ZNF274: variants seen among roughly 807,000 people sequenced by gnomAD.
ZNF274 encodes the protein neurotrophin receptor-interacting factor homolog.
In ZNF274, 23 loss-of-function variants were observed where a neutral mutation model predicts 42.5. The observed-to-expected ratio is 0.54, with a 90% CI of 0.39 to 0.77. ZNF274 has a LOEUF of 0.77. Among genes scored for constraint, ZNF274 ranks in the 30% least tolerant of loss-of-function variants. ZNF274 has a pLI of 0.00. For synonymous variants in ZNF274, 292 were observed against 305.4 expected (o/e 0.96, Z 0.46); for missense variants, 679 against 806.5 (o/e 0.84, Z 1.91).
rs530739382 is a variant in ZNF274, at chr19:58,199,166, G to A, written c.257-7554G>A. Among the ~76,000 whole-genome samples the A allele has an allele frequency of 3.3e-5, 5 of 152,124 alleles. No individual in the cohort carries two copies. The South Asian group carries it at 1.0e-3, about 32-fold the overall frequency. Reference sequence around the variant, plus strand: ...GGATCACCTGAGGTCAGGAGTTTGAGACCAGCCTGGCAAACATGTCAAAAC... The same window carrying A: ...GGATCACCTGAGGTCAGGAGTTTGAAACCAGCCTGGCAAACATGTCAAAAC... On this transcript the variant is annotated intron_variant, in intron 4 of 7. Transcript: ENST00000617501.
chr19:58,191,751 A>T (rs1320904802), intron 4 of ZNF274, among the ~76,000 whole-genome samples: 1 of 152,158 alleles, frequency 6.6e-6, no homozygotes, highest in Non-Finnish European at 1.5e-5. Flanking sequence ...TGTCCAACTC[A>T]TCTCTGCTCT....
chr19:58,183,986 G>C lies in ZNF274; in HGVS notation c.21G>C (p.Thr7=). The change falls in exon 2 of 8, where the codon ACG becomes ACC. Residue 7 remains threonine (T), a synonymous_variant. Transcript: ENST00000617501. MASRLP[T]AWSCEPVTFE... ...AAACTATGGCCTCCAGGCTTCCGAC[G>C]GCCTGGTCCTGTGTGAGTAGAGGCT... 1.3e-6 allele frequency: 2 copies of C among 1,595,600 alleles called. No individual in the cohort carries two copies. Among genetic ancestry groups the C allele is most frequent in the African/African-American group, 2.7e-5 (2 of 74,648 alleles).
Position 58,212,595 on chromosome 19 carries a change from A to T in ZNF274, c.1414A>T (p.Ser472Cys), listed in dbSNP as rs371176581. 1.2e-6 allele frequency: 2 copies of T among 1,614,062 alleles called. No homozygotes were observed. Among genetic ancestry groups the T allele is most frequent in the Non-Finnish European group, 1.7e-6 (2 of 1,179,894 alleles). The change falls in exon 8 of 8, where the codon AGC (serine) becomes TGC (cysteine). Residue 472 changes from serine (S) to cysteine (C), a missense_variant. This residue lies in a region of ZNF274 where 456 missense variants were observed against 590.1 expected (regional missense o/e 0.77). Coordinates refer to ENST00000617501, the MANE Select transcript of ZNF274 (RefSeq NM_133502.3). The surrounding 1 kb of genome is among the most constrained non-coding windows in gnomAD (Gnocchi z 4.6). The stretch of plus-strand genomic sequence containing the variant: ...TTCACGTGTAAAAATTCATCAGAAG[A>T]GCTGTGAAAGGCAAAAGGCCAAGGA... ...HNSRVKIHQKSCERQKAKEGN... is the reference protein window; with the variant it reads ...HNSRVKIHQKCCERQKAKEGN...
At chr19:58,189,838 T>C (rs770600811) in intron 4 of ZNF274, among the ~76,000 whole-genome samples, 24 of 152,028 alleles carry the variant, frequency 1.6e-4, no homozygotes, top group Non-Finnish European at 3.4e-4. Context: ...TGATCTTTTT[T>C]GGCCGGGCGG....
intron 2 of ZNF274, 129 bp downstream of exon 2, chr19:58,184,127 G>T (rs2075666937): frequency 2.7e-6 from 3 of 1,092,940 alleles, no homozygotes; most frequent in Admixed American, 2.3e-5. Flanking sequence ...GTAGAGATTG[G>T]TTGGGCATGA....
rs2076055320 is a variant in ZNF274, at chr19:58,212,564, A to C, written c.1383A>C (p.Lys461Asn). 1 of 1,613,958 alleles carries C rather than the reference A, an allele frequency of 6.2e-7. No individual in the cohort carries two copies. The highest frequency in any genetic ancestry group is 1.7e-5 in the Admixed American group (1 of 60,006). The change falls in exon 8 of 8, where the codon AAA becomes AAC. Residue 461 changes from lysine to asparagine, a missense_variant. Coordinates refer to ENST00000617501, the MANE Select transcript of ZNF274 (RefSeq NM_133502.3). The surrounding 1 kb of genome is among the most constrained non-coding windows in gnomAD (Gnocchi z 4.6). ...GTGACTCACAAGTTAAAAGTATGAA[A>C]CATAATTCACGTGTAAAAATTCATC... ...RKRDSQVKSM[K>N]HNSRVKIHQK...
chr19:58,200,466 T>G (rs1423904912), intron 4 of ZNF274, among the ~76,000 whole-genome samples: 1 of 152,082 alleles, frequency 6.6e-6, no homozygotes, highest in Non-Finnish European at 1.5e-5. Context: ...TGGGATACAT[T>G]GGTGGGGGAC....
chr19:58,196,353 G>A (rs1382553153), intron 4 of ZNF274, among the ~76,000 whole-genome samples: 1 of 152,144 alleles, frequency 6.6e-6, no homozygotes, highest in Non-Finnish European at 1.5e-5. Context: ...TTGAGCTCAG[G>A]GGTTTGAGAC....
Position 58,212,198 on chromosome 19 carries a change from A to C in ZNF274, c.1017A>C (p.Pro339=). Residue 339 remains proline, a synonymous_variant, in exon 8 of 8, where the codon CCA becomes CCC. Transcript: ENST00000617501. This position sits in a 1 kb window ranked among gnomAD's most constrained non-coding sequence, Gnocchi z 4.6. ...CACTGGAAAATAAAGAGTTAGCTCC[A>C]AATTCTGACATTCCTGAGGAAGAAC... ...ETTLENKELA[P]NSDIPEEEPA... is the part of the protein sequence containing the mutation. 1.9e-6 allele frequency: 3 copies of C among 1,610,906 alleles called. No homozygotes were observed. Among genetic ancestry groups the C allele is most frequent in the Non-Finnish European group, 2.5e-6 (3 of 1,179,648 alleles).
rs192935353 is a variant in ZNF274, at chr19:58,202,969, A to G, written c.257-3751A>G. Among the ~76,000 whole-genome samples the G allele has an allele frequency of 8.3e-4, 126 of 152,326 alleles. 1 individual carries two copies. The highest frequency in any genetic ancestry group is 2.9e-3 in the African/African-American group (122 of 41,576). ...TAATAATAAAGATTAAAGCAGAAGT[A>G]AGTACATTAGAAAGGGGTGGGGTGG... On this transcript the variant is annotated intron_variant, in intron 4 of 7. Transcript: ENST00000617501.
At chr19:58,190,938 CT>C (rs773640585) in intron 4 of ZNF274, among the ~76,000 whole-genome samples, 5 of 152,208 alleles carry the variant, frequency 3.3e-5, no homozygotes, top group Non-Finnish European at 7.3e-5. Flanking sequence ...AACCCCCAAC[CT>C]TTCTGGGGGC....
chr19:58,203,574 C>A (rs1451129353), intron 4 of ZNF274, among the ~76,000 whole-genome samples: 1 of 123,988 alleles, frequency 8.1e-6, no homozygotes. Context: ...AGCGAAACTC[C>A]GTCTCAAAAA....
chr19:58,195,057 G>T (rs189674345), intron 4 of ZNF274, among the ~76,000 whole-genome samples: 1 of 151,296 alleles, frequency 6.6e-6, no homozygotes, highest in Non-Finnish European at 1.5e-5. Context: ...AATTAACTGG[G>T]CATGCTGGTG....
At chr19:58,184,457 AT>A (rs564026871) in intron 2 of ZNF274, 44 of 153,236 alleles carry the variant, frequency 2.9e-4, no homozygotes, top group South Asian at 1.2e-3. Context: ...TACCCAGCTA[AT>A]TTTTTTTTTA....
chr19:58,201,260 C>A (rs1568706269), intron 4 of ZNF274, among the ~76,000 whole-genome samples: 1 of 150,582 alleles, frequency 6.6e-6, no homozygotes, highest in Non-Finnish European at 1.5e-5. Flanking sequence ...GAACCACCTA[C>A]CTCAGCCTCC....
chr19:58,192,054 C>T (rs1372972421), intron 4 of ZNF274, among the ~76,000 whole-genome samples: 1 of 152,182 alleles, frequency 6.6e-6, no homozygotes, highest in Non-Finnish European at 1.5e-5. Context: ...TCAGGGGACA[C>T]TGCAGGGGTG....
At chr19:58,192,978 G>A (rs886321535) in intron 4 of ZNF274, among the ~76,000 whole-genome samples, 2 of 151,852 alleles carry the variant, frequency 1.3e-5, no homozygotes, top group South Asian at 2.1e-4. Context: ...AATCCTCCCC[G>A]CGTCAGTTTC....
intron 4 of ZNF274, among the ~76,000 whole-genome samples, chr19:58,203,781 T>C (rs890938685): frequency 8.6e-5 from 13 of 152,028 alleles, no homozygotes; most frequent in Non-Finnish European, 1.6e-4. Context: ...AAAAGCTTAT[T>C]TGGGGGAAGA....
At chr19:58,188,337 T>C (rs1008487232) in intron 4 of ZNF274, among the ~76,000 whole-genome samples, 1 of 149,604 alleles carries the variant, frequency 6.7e-6, no homozygotes, top group Non-Finnish European at 1.5e-5. Context: ...GAAAATAAAA[T>C]AGGACAGGCA....
Sources: allele counts gnomAD v4.1 joint callset (sites outside exome capture counted in the v4.1 genomes callset), GRCh38; gene constraint gnomAD v4.1.1; regional missense constraint gnomAD v4.1.1; non-coding constraint Gnocchi (gnomAD v3.1); transcripts MANE v1.5; gene names NCBI Gene and HGNC (gene_info 2026-07-23, HGNC 2026-07-21).